The following PLPPR3 variants were observed in gnomAD, a reference collection of about 807,000 sequenced individuals.
PLPPR3 encodes phospholipid phosphatase related 3.
Under a neutral mutation model 27.3 loss-of-function variants are expected in PLPPR3, and 14 were observed. That is an observed-to-expected ratio of 0.51 (90% CI 0.34 to 0.80). The LOEUF (loss-of-function observed/expected upper bound fraction) is 0.80. PLPPR3 is among the 30% of genes least tolerant of loss of function. The pLI is 0.01. For missense variants in PLPPR3, 1,287 were observed against 1,056.9 expected (o/e 1.22, Z -3.02); for synonymous variants, 671 against 508.0 (o/e 1.32, Z -4.32).
In PLPPR3 at chr19:812,601, C is replaced by A. The variant is rs775914929; in HGVS notation, c.2126G>T (p.Arg709Leu). Reference protein sequence around the residue: ...EAEAEAEGYFRKMQARRFPD With the variant: ...EAEAEAEGYFLKMQARRFPD The stretch of plus-strand genomic sequence containing the variant: ...GGGGAAGCGGCGCGCCTGCATCTTG[C>A]GGAAGTAGCCCTCGGCCTCCGCCTC... Residue 709 changes from arginine (R) to leucine (L), a missense_variant, in exon 8 of 8, where the codon CGC becomes CTC. Arg to Leu is a moderately radical substitution (Grantham distance 102). Coordinates refer to ENST00000520876, the MANE Select transcript of PLPPR3 (RefSeq NM_001270366.2). The A allele has an allele frequency of 2.3e-5, 25 of 1,104,062 alleles. No homozygotes were observed. In the South Asian group the frequency reaches 4.5e-4, roughly 20 times the overall value. The allele number at this position is 1,104,062 out of a possible 1,614,324, so 68.4% of individuals were successfully genotyped here.
At position 814,981 on chromosome 19, in the gene PLPPR3, G is replaced by C; in HGVS notation, c.504C>G (p.Pro168=). ...AGGACGTGCCCAGGAGAGTGTAGTT[G>C]GGCTTGCAGACGGTGAGGAAGAAGG... ...HTPFFLTVCK[P]NYTLLGTSCE... Residue 168 remains proline (P), a synonymous_variant, in exon 5 of 8, where the codon CCC becomes CCG. Transcript: ENST00000520876. The C allele has an allele frequency of 1.2e-6, 2 of 1,612,576 alleles. No homozygotes were observed. The highest frequency in any genetic ancestry group is 2.2e-5 in the East Asian group (1 of 44,878).
At chr19:823,000 T>C (rs1236145868), upstream of PLPPR3, among the ~76,000 whole-genome samples, 4 of 151,710 alleles carry the variant, frequency 2.6e-5, no homozygotes, top group Non-Finnish European at 5.9e-5. Flanking sequence ...ATGCCTGTAA[T>C]CCCAGCTACT....
At chr19:818,250 G>A (rs2035092012) in intron 2 of PLPPR3, among the ~76,000 whole-genome samples, 1 of 152,060 alleles carries the variant, frequency 6.6e-6, no homozygotes, top group South Asian at 2.1e-4. Context: ...CAGCGTGGTG[G>A]TGCGTGCCTG....
chr19:821,504 G>C lies in PLPPR3; in HGVS notation c.56C>G (p.Pro19Arg), dbSNP rs1407116451. ...KIPKDSMTLLPCFYFVELPIV... is the reference protein window; with the variant it reads ...KIPKDSMTLLRCFYFVELPIV... ...ACCCACCTCCACGAAGTAGAAGCAG[G>C]GCAGAAGCGTCATGCTGTCCTTCGG... Residue 19 changes from proline to arginine, a missense_variant, in exon 2 of 8, where the codon CCC (proline) becomes CGC (arginine). Physicochemically the swap from Pro to Arg is moderately radical, Grantham distance 103. Coordinates refer to ENST00000520876, the MANE Select transcript of PLPPR3 (RefSeq NM_001270366.2). The C allele has an allele frequency of 1.6e-5, 25 of 1,515,640 alleles. No individual in the cohort carries two copies. Among genetic ancestry groups the C allele is most frequent in the Non-Finnish European group, 2.2e-5 (25 of 1,131,166 alleles). 93.9% of individuals were successfully genotyped at this position (1,515,640 alleles called of 1,614,324 possible).
In PLPPR3 at chr19:814,531, G is replaced by A. The variant is rs550064116; in HGVS notation, c.734C>T (p.Ala245Val). 6 of 1,611,882 alleles carry A rather than the reference G, an allele frequency of 3.7e-6. No homozygotes were observed. Among genetic ancestry groups the A allele is most frequent in the African/African-American group, 1.3e-5 (1 of 75,074 alleles). The change falls in exon 7 of 8, where the codon GCG becomes GTG. Residue 245 changes from alanine to valine, a missense_variant. Ala to Val is a moderately conservative substitution (Grantham distance 64, BLOSUM62 0). Coordinates refer to ENST00000520876, the MANE Select transcript of PLPPR3 (RefSeq NM_001270366.2). ...GATCTGCGTGAGCCCGCATACGCCC[G>A]CGGCGATGGCAAAGGCGAAGACCAG... The part of the protein sequence containing the change: ...PILVFAFAIA[A>V]GVCGLTQITQ...
rs141768432 is a variant in PLPPR3, at chr19:814,683, C to T, written c.657+9G>A. On this transcript the variant is annotated intron_variant, in intron 6 of 7. Coordinates refer to ENST00000520876, the MANE Select transcript of PLPPR3 (RefSeq NM_001270366.2). ...GGGCCTGGGAAGGGCAGTGAGGGGC[C>T]GGACTCACCGACACATAGACCGCGG... is the stretch of plus-strand genomic sequence containing the variant. 1.1e-3 allele frequency: 1,739 copies of T among 1,604,076 alleles called. 1 individual carries two copies. The highest frequency in any genetic ancestry group is 1.4e-3 in the Non-Finnish European group (1,627 of 1,178,826).
At position 812,725 on chromosome 19, in the gene PLPPR3, G is replaced by C. The variant is rs945996181; in HGVS notation, c.2002C>G (p.Pro668Ala). The change falls in exon 8 of 8, where the codon CCC becomes GCC. Residue 668 changes from proline (P) to alanine (A), a missense_variant. Transcript: ENST00000520876. ...GCCCCATCGGCCGCGCCCAGCGGGG[G>C]CAGCCCCTCGCCCGTGGCCAGGTTG... ...TVNLATGEGLPPLGAADGALG... is the reference protein window; with the variant it reads ...TVNLATGEGLAPLGAADGALG... 2.4e-5 allele frequency: 25 copies of C among 1,061,686 alleles called. No homozygotes were observed. In the African/African-American group the frequency reaches 2.9e-4, roughly 12 times the overall value. 65.8% of individuals were successfully genotyped at this position (1,061,686 alleles called of 1,614,324 possible).
chr19:813,155 C>T lies in PLPPR3; in HGVS notation c.1572G>A (p.Glu524=), dbSNP rs1360737788. The change falls in exon 8 of 8, where the codon GAG becomes GAA. Residue 524 remains glutamate, a synonymous_variant. Transcript: ENST00000520876. This position sits in a 1 kb window ranked among gnomAD's most constrained non-coding sequence, Gnocchi z 4.1. ...GVRAKWLMMA[E]KSGAAVANPP... ...GGTTGGCCACTGCCGCCCCGCTCTTCTCGGCCATCATGAGCCACTTGGCGC... is the reference window on the plus strand; with the variant it reads ...GGTTGGCCACTGCCGCCCCGCTCTTTTCGGCCATCATGAGCCACTTGGCGC... 2.0e-6 allele frequency: 3 copies of T among 1,524,354 alleles called. No homozygotes were observed. Among genetic ancestry groups the T allele is most frequent in the Admixed American group, 2.0e-5 (1 of 49,604 alleles). 94.4% of individuals were successfully genotyped at this position (1,524,354 alleles called of 1,614,324 possible).
rs1568282621 is a variant in PLPPR3 at position 812,975 on chromosome 19, G to A, written c.1752C>T (p.Asp584=). 12 of 1,494,186 alleles carry A rather than the reference G, an allele frequency of 8.0e-6. No individual in the cohort carries two copies. Among genetic ancestry groups the A allele is most frequent in the Non-Finnish European group, 1.1e-5 (12 of 1,128,428 alleles). The allele number at this position is 1,494,186 out of a possible 1,614,324, so 92.6% of individuals were successfully genotyped here. The change falls in exon 8 of 8, where the codon GAC becomes GAT. Residue 584 remains aspartate (D), a synonymous_variant. Transcript: ENST00000520876. ...CCACGGGGTGGTGCGGCGCGTGCGC[G>A]TCGATGGTCACGATGCTGGCGGAGT... ...DRDSASIVTI[D]AHAPHHPVVH...
intron 3 of PLPPR3, 35 bp from the exon 4 acceptor site, chr19:815,362 C>T: frequency 6.6e-7 from 1 of 1,512,372 alleles, no homozygotes; most frequent in Non-Finnish European, 8.8e-7. Context: ...GGCCTCGGTG[C>T]CCACAGGGAG....
In PLPPR3 at chr19:813,384, T is replaced by C; in HGVS notation, c.1343A>G (p.Asp448Gly). ...PMAEEEEEEE[D>G]EEEEEEEEEE... ...TTCCTCCTCCTCCTCTTCCTCTTCGTCCTCCTCCTCTTCCTCCTCCTCCGC... is the reference window on the plus strand; with the variant it reads ...TTCCTCCTCCTCCTCTTCCTCTTCGCCCTCCTCCTCTTCCTCCTCCTCCGC... Residue 448 changes from aspartate to glycine, a missense_variant, in exon 8 of 8, where the codon GAC becomes GGC. Asp to Gly is a moderately conservative substitution (Grantham distance 94). Coordinates refer to ENST00000520876, the MANE Select transcript of PLPPR3 (RefSeq NM_001270366.2). The surrounding 1 kb of genome is among the most constrained non-coding windows in gnomAD (Gnocchi z 4.1). The C allele has an allele frequency of 4.7e-6, 7 of 1,499,524 alleles. No homozygotes were observed. The highest frequency in any genetic ancestry group is 6.2e-6 in the Non-Finnish European group (7 of 1,132,312). 92.9% of individuals were successfully genotyped at this position (1,499,524 alleles called of 1,614,324 possible). A position where few individuals can be genotyped will look rare whatever the true frequency, so the allele number is the denominator to read the frequency against.
At chr19:819,450 C>T (rs1231252001) in intron 2 of PLPPR3, among the ~76,000 whole-genome samples, 1 of 151,408 alleles carries the variant, frequency 6.6e-6, no homozygotes, top group Non-Finnish European at 1.5e-5. Flanking sequence ...CCACCATGCC[C>T]AGCTAATTTT....
upstream of PLPPR3, among the ~76,000 whole-genome samples, chr19:822,403 G>T (rs1004607436): frequency 2.0e-5 from 3 of 152,030 alleles, no homozygotes; most frequent in African/African-American, 7.2e-5. Flanking sequence ...CCCCTCCGCG[G>T]AGCCCGCCGC....
At position 812,785 on chromosome 19, in the gene PLPPR3, G is replaced by C; in HGVS notation, c.1942C>G (p.Gln648Glu). 9.2e-7 allele frequency: 1 copy of C among 1,089,180 alleles called. No individual in the cohort carries two copies. The highest frequency in any genetic ancestry group is 5.7e-5 in the East Asian group (1 of 17,460). 67.5% of individuals were successfully genotyped at this position (1,089,180 alleles called of 1,614,324 possible). A position where few individuals can be genotyped will look rare whatever the true frequency, so the allele number is the denominator to read the frequency against. Residue 648 changes from glutamine (Q) to glutamate (E), a missense_variant, in exon 8 of 8, where the codon CAG becomes GAG. Transcript: ENST00000520876. ...ACGGCCCCGAACCGCGGCTCCTCCTGGTCCACGTCGCTGACCGACGAGCCG... is the reference window on the plus strand; with the variant it reads ...ACGGCCCCGAACCGCGGCTCCTCCTCGTCCACGTCGCTGACCGACGAGCCG... ...SPGSSVSDVDQEEPRFGAVAT... is the reference protein window; with the variant it reads ...SPGSSVSDVDEEEPRFGAVAT...
Position 812,700 on chromosome 19 carries a change from G to A in PLPPR3, c.2027C>T (p.Ala676Val), listed in dbSNP as rs1306544765. 1.6e-5 allele frequency: 17 copies of A among 1,050,674 alleles called. No individual in the cohort carries two copies. The highest frequency in any genetic ancestry group is 2.0e-5 in the Non-Finnish European group (17 of 871,632). The allele number at this position is 1,050,674 out of a possible 1,614,324, so 65.1% of individuals were successfully genotyped here. ...GGACTCCCGGCTGCCCGGGCCCAGC[G>A]CCCCATCGGCCGCGCCCAGCGGGGG... ...GLPPLGAADG[A>V]LGPGSRESTL... Residue 676 changes from alanine (A) to valine (V), a missense_variant, in exon 8 of 8, where the codon GCG becomes GTG. Ala to Val is a moderately conservative substitution (Grantham distance 64, BLOSUM62 0). Coordinates refer to ENST00000520876, the MANE Select transcript of PLPPR3 (RefSeq NM_001270366.2).
In PLPPR3 at chr19:813,794, G is replaced by A. The variant is rs748738596; in HGVS notation, c.933C>T (p.His311=). The change falls in exon 8 of 8, where the codon CAC becomes CAT. Residue 311 remains histidine, a synonymous_variant. Transcript: ENST00000520876. The surrounding 1 kb of genome is among the most constrained non-coding windows in gnomAD (Gnocchi z 4.1). ...DALRALTQRG[H]DSVYQQNKSV... Reference sequence around the variant, plus strand: ...ACTTATTCTGCTGATAAACCGAGTCGTGGCCCCGCTGCGTCAGGGCCCGCA... The same window carrying A: ...ACTTATTCTGCTGATAAACCGAGTCATGGCCCCGCTGCGTCAGGGCCCGCA... The A allele has an allele frequency of 2.0e-6, 3 of 1,525,240 alleles. No individual in the cohort carries two copies. The South Asian group carries it at 3.6e-5, about 18-fold the overall frequency. The allele number at this position is 1,525,240 out of a possible 1,614,324, so 94.5% of individuals were successfully genotyped here.
At position 812,548 on chromosome 19, in the gene PLPPR3, G is replaced by GC; in HGVS notation, c.*21dup. The stretch of plus-strand genomic sequence containing the variant: ...CGCCCGCGCCCTCGGCCCGCCCCCC[G>GC]CCCGCCCCCGGCCCCGCCGCGCTAG... On this transcript the variant is annotated 3_prime_UTR_variant, in exon 8 of 8. Coordinates refer to ENST00000520876, the MANE Select transcript of PLPPR3 (RefSeq NM_001270366.2). 2 of 372,862 alleles carry GC rather than the reference G, an allele frequency of 5.4e-6. No homozygotes were observed. Among genetic ancestry groups the GC allele is most frequent in the Non-Finnish European group, 3.2e-6 (1 of 314,076 alleles). The allele number at this position is 372,862 out of a possible 1,614,324, so 23.1% of individuals were successfully genotyped here. A position where few individuals can be genotyped will look rare whatever the true frequency, so the allele number is the denominator to read the frequency against.
chr19:821,374 C>G lies in PLPPR3; in HGVS notation c.75+111G>C, dbSNP rs1463840919. The G allele has an allele frequency of 4.4e-6, 4 of 911,818 alleles. No homozygotes were observed. The East Asian group carries it at 1.3e-4, about 30-fold the overall frequency. The allele number at this position is 911,818 out of a possible 1,614,324, so 56.5% of individuals were successfully genotyped here. On this transcript the variant is annotated intron_variant, in intron 2 of 7. Coordinates refer to ENST00000520876, the MANE Select transcript of PLPPR3 (RefSeq NM_001270366.2). ...CGGACACCCCGGTCCTGCCCCGCCC[C>G]GAGGCCACTGCCGGGGCAGCTGCGC...
chr19:815,008 A>C lies in PLPPR3; in HGVS notation c.477T>G (p.Thr159=), dbSNP rs1433266149. ...GCTTGCAGACGGTGAGGAAGAAGGG[A>C]GTGTGGTAACCCGTGGCCAGCTGGA... The part of the protein sequence containing the change: ...DVIQLATGYH[T]PFFLTVCKPN... The change falls in exon 5 of 8, where the codon ACT becomes ACG. Residue 159 remains threonine, a synonymous_variant. Coordinates refer to ENST00000520876, the MANE Select transcript of PLPPR3 (RefSeq NM_001270366.2). The C allele has an allele frequency of 3.1e-6, 5 of 1,611,696 alleles. No individual in the cohort carries two copies. In the African/African-American group the frequency reaches 6.7e-5, roughly 21 times the overall value.
Sources: allele counts gnomAD v4.1 joint callset (sites outside exome capture counted in the v4.1 genomes callset), GRCh38; gene constraint gnomAD v4.1.1; non-coding constraint Gnocchi (gnomAD v3.1); transcripts MANE v1.5; gene names NCBI Gene and HGNC (gene_info 2026-07-23, HGNC 2026-07-21).